Variants in C1orf141 observed in about 807,000 individuals in gnomAD.
The protein encoded by C1orf141 is uncharacterized protein C1orf141.
C1orf141 carries 19 observed loss-of-function variants against 23.2 expected under a neutral mutation model. The observed-to-expected ratio is 0.82, with a 90% confidence interval of 0.57 to 1.20. The LOEUF is 1.20. C1orf141 is among the 50% of genes most tolerant of loss of function. The probability of loss-of-function intolerance (pLI) is 0.00; values close to 1 mark genes in which losing one functional copy is unlikely to be tolerated. For missense variants in C1orf141, 469 were observed against 455.1 expected, an observed-to-expected ratio of 1.03 and a Z score of -0.28; for synonymous variants, 153 against 154.6, an observed-to-expected ratio of 0.99 and a Z score of 0.08.
intron 3 of C1orf141, 22 bp from the exon 4 acceptor site, chr1:67,125,931 A>T: frequency 2.2e-5 from 18 of 811,428 alleles, no homozygotes; most frequent in East Asian, 1.1e-4. Context: ...CCAAAGTGAA[A>T]AAAAAAAAAA....
intron 5 of C1orf141, among the ~76,000 whole-genome samples, chr1:67,114,191 T>G (rs138217467): frequency 2.5e-4 from 38 of 152,192 alleles, no homozygotes; most frequent in African/African-American, 8.2e-4. Context: ...TGAACTAGAA[T>G]AGTTAAGATT....
At chr1:67,120,004 G>A (rs553498960) in intron 4 of C1orf141, among the ~76,000 whole-genome samples, 1 of 152,326 alleles carries the variant, frequency 6.6e-6, no homozygotes, top group African/African-American at 2.4e-5. Flanking sequence ...GCTAGGCAGA[G>A]CTTCAGAGGT....
At chr1:67,126,723 G>T (rs1480975533) in intron 3 of C1orf141, among the ~76,000 whole-genome samples, 1 of 152,202 alleles carries the variant, frequency 6.6e-6, no homozygotes, top group Non-Finnish European at 1.5e-5. Flanking sequence ...CAGGGCTGAG[G>T]TGCAGGGAGG....
At chr1:67,132,661 TA>T (rs1342064106) in intron 1 of C1orf141, among the ~76,000 whole-genome samples, 7 of 152,250 alleles carry the variant, frequency 4.6e-5, no homozygotes, top group Non-Finnish European at 1.0e-4. Flanking sequence ...ATTTGAAAAT[TA>T]CAATTTAATT....
chr1:67,114,153 G>A (rs564953646), intron 5 of C1orf141, among the ~76,000 whole-genome samples: 1 of 152,004 alleles, frequency 6.6e-6, no homozygotes, highest in South Asian at 2.1e-4. Flanking sequence ...CATTTTACCT[G>A]GGATCCAAAA....
At chr1:67,108,277 T>G (rs1422726225) in intron 5 of C1orf141, among the ~76,000 whole-genome samples, 1 of 152,172 alleles carries the variant, frequency 6.6e-6, no homozygotes, top group African/African-American at 2.4e-5. Context: ...CGCTCTCGGA[T>G]TCATAGGTGG....
Position 67,115,400 on chromosome 1 carries a change from G to A in C1orf141, c.298C>T (p.Pro100Ser), listed in dbSNP as rs1646173776. Residue 100 changes from proline to serine, a missense_variant, in exon 5 of 8, where the codon CCA becomes TCA. By Grantham distance (74) the Pro-to-Ser change is moderately conservative. Transcript: ENST00000684719. ...KSNFEKSNLR[P>S]FFIQTNVKNK... The stretch of plus-strand genomic sequence containing the variant: ...TTTACATTTGTTTGAATAAAGAATG[G>A]TCTTAAATTTGACTTTTCAAAATTA... The A allele has an allele frequency of 1.3e-6, 2 of 1,492,232 alleles. No individual in the cohort carries two copies. Among genetic ancestry groups the A allele is most frequent in the East Asian group, 4.7e-5 (2 of 42,868 alleles). 92.4% of individuals were successfully genotyped at this position (1,492,232 alleles called of 1,614,324 possible).
At chr1:67,129,793 C>T (rs560590335) in intron 2 of C1orf141, among the ~76,000 whole-genome samples, 1 of 152,272 alleles carries the variant, frequency 6.6e-6, no homozygotes, top group East Asian at 1.9e-4. Context: ...ACCAATTTTG[C>T]CCACAGCCTT....
Position 67,096,310 on chromosome 1 carries a change from T to C in C1orf141, c.358A>G (p.Lys120Glu). The C allele has an allele frequency of 6.5e-7, 1 of 1,527,094 alleles. No homozygotes were observed. The highest frequency in any genetic ancestry group is 8.9e-7 in the Non-Finnish European group (1 of 1,121,830). The allele number at this position is 1,527,094 out of a possible 1,614,324, so 94.6% of individuals were successfully genotyped here. ...GAATCCAATGGTTTCCTAGGTTTTT[T>C]TTCAATTTGAGCTGAAATTTTAAAA... ...KESESTAQIE[K>E]KPRKPLDSVG... The change falls in exon 6 of 8, where the codon AAA (lysine) becomes GAA (glutamate). Residue 120 changes from lysine to glutamate, a missense_variant. Coordinates refer to ENST00000684719, the MANE Select transcript of C1orf141 (RefSeq NM_001276351.2).
intron 5 of C1orf141, among the ~76,000 whole-genome samples, chr1:67,104,176 C>T (rs1478969547): frequency 6.6e-6 from 1 of 151,818 alleles, no homozygotes; most frequent in Non-Finnish European, 1.5e-5. Context: ...CCAATCAATA[C>T]AATCTACAAA....
upstream of C1orf141, among the ~76,000 whole-genome samples, chr1:67,137,775 G>A (rs1007238969): frequency 9.9e-5 from 15 of 152,162 alleles, no homozygotes; most frequent in Non-Finnish European, 2.1e-4. Flanking sequence ...TCTTTTCTTT[G>A]GGCAAGAGAG....
intron 4 of C1orf141, among the ~76,000 whole-genome samples, chr1:67,118,718 G>T (rs1335781630): frequency 6.6e-6 from 1 of 152,154 alleles, no homozygotes. Context: ...TCATGAAAAG[G>T]ATTTGTGTTC....
intron 4 of C1orf141, among the ~76,000 whole-genome samples, chr1:67,120,328 A>T (rs1276603666): frequency 6.6e-6 from 1 of 152,160 alleles, no homozygotes; most frequent in East Asian, 1.9e-4. Context: ...TCCATATCTG[A>T]TTTAGATGAT....
At chr1:67,119,500 G>A (rs1051296677) in intron 4 of C1orf141, among the ~76,000 whole-genome samples, 4 of 152,148 alleles carry the variant, frequency 2.6e-5, no homozygotes, top group African/African-American at 7.2e-5. Context: ...TAAGGAAAAA[G>A]GAACCAGAAG....
At chr1:67,114,514 G>A (rs1646148962) in intron 5 of C1orf141, among the ~76,000 whole-genome samples, 1 of 152,134 alleles carries the variant, frequency 6.6e-6, no homozygotes, top group African/African-American at 2.4e-5. Flanking sequence ...TTAAGCAATA[G>A]GGGGTGATGT....
intron 1 of C1orf141, among the ~76,000 whole-genome samples, chr1:67,141,085 A>G (rs368446166): frequency 6.6e-6 from 1 of 152,212 alleles, no homozygotes; most frequent in South Asian, 2.1e-4. Context: ...ACGTAATAAC[A>G]TAGGAAAATG....
chr1:67,138,256 T>A (rs1230103641), upstream of C1orf141, among the ~76,000 whole-genome samples: 2 of 152,250 alleles, frequency 1.3e-5, no homozygotes, highest in African/African-American at 4.8e-5. Context: ...AGGTCCTCTC[T>A]GATCACTACC....
intron 3 of C1orf141, among the ~76,000 whole-genome samples, chr1:67,126,291 G>A (rs920525216): frequency 6.6e-6 from 1 of 152,164 alleles, no homozygotes; most frequent in Non-Finnish European, 1.5e-5. Context: ...CCACACGCAC[G>A]ATGAATCACA....
chr1:67,139,412 C>G (rs568781282), upstream of C1orf141, among the ~76,000 whole-genome samples: 2 of 152,296 alleles, frequency 1.3e-5, no homozygotes, highest in African/African-American at 4.8e-5. Flanking sequence ...CCAGCACTCT[C>G]CCTGTCACCA....
Sources: gnomAD v4.1 joint callset for allele counts (sites outside exome capture counted in the v4.1 genomes callset) on GRCh38, gnomAD v4.1.1 for gene constraint, MANE v1.5 for transcripts, NCBI Gene and HGNC (gene_info 2026-07-23, HGNC 2026-07-21) for gene names.